The following ZCCHC7 variants were observed in gnomAD, a reference collection of about 807,000 sequenced individuals.
ZCCHC7 encodes the protein zinc finger CCHC domain-containing protein 7.
ZCCHC7 carries 35 observed loss-of-function variants against 52.0 expected under a neutral mutation model. The observed-to-expected ratio is 0.67, with a 90% confidence interval of 0.51 to 0.89. The LOEUF (loss-of-function observed/expected upper bound fraction) is 0.89, where lower values mean the gene tolerates loss of function less well. ZCCHC7 is among the 40% of genes least tolerant of loss of function. The pLI is 0.00. For synonymous variants in ZCCHC7, 217 were observed against 221.5 expected, an observed-to-expected ratio of 0.98 and a Z score of 0.18; for missense variants, 574 against 649.1, an observed-to-expected ratio of 0.88 and a Z score of 1.26.
intron 2 of ZCCHC7, among the ~76,000 whole-genome samples, chr9:37,223,462 T>C (rs1824930704): frequency 6.6e-6 from 1 of 151,964 alleles, no homozygotes; most frequent in Non-Finnish European, 1.5e-5. Flanking sequence ...GGTAAAGAAA[T>C]ATATGAAAGG....
At chr9:37,217,458 A>T (rs1215662650) in intron 2 of ZCCHC7, among the ~76,000 whole-genome samples, 1 of 152,182 alleles carries the variant, frequency 6.6e-6, no homozygotes, top group Non-Finnish European at 1.5e-5. Context: ...ACTGTTTAGC[A>T]TGATAATACA....
intron 2 of ZCCHC7, among the ~76,000 whole-genome samples, chr9:37,244,393 G>T (rs887420108): frequency 1.3e-5 from 2 of 151,424 alleles, no homozygotes; most frequent in African/African-American, 4.8e-5. Context: ...TAGGCAGAAT[G>T]GTTTTTAAAA....
At chr9:37,312,050 G>C (rs765724589) in intron 5 of ZCCHC7, among the ~76,000 whole-genome samples, 8 of 152,050 alleles carry the variant, frequency 5.3e-5, no homozygotes, top group Non-Finnish European at 7.4e-5. Flanking sequence ...TTTATTTTTA[G>C]TGTACTCCAA....
chr9:37,186,539 A>G (rs1171491421), intron 2 of ZCCHC7, among the ~76,000 whole-genome samples: 1 of 152,192 alleles, frequency 6.6e-6, no homozygotes, highest in East Asian at 1.9e-4. Context: ...ATGACATTAT[A>G]CTGTTTAATC....
At chr9:37,309,049 G>A (rs906480887) in intron 5 of ZCCHC7, among the ~76,000 whole-genome samples, 1 of 151,582 alleles carries the variant, frequency 6.6e-6, no homozygotes, top group South Asian at 2.1e-4. Flanking sequence ...ATAAAATAGG[G>A]TTGGGCTGTG....
chr9:37,195,574 T>C lies in ZCCHC7; in HGVS notation c.610+68632T>C, dbSNP rs1823250028. Among the ~76,000 whole-genome samples, 4 of 151,982 alleles carry C rather than the reference T, an allele frequency of 2.6e-5. No homozygotes were observed. In the South Asian group the frequency reaches 8.3e-4, roughly 32 times the overall value. On this transcript the variant is annotated intron_variant, in intron 2 of 8. Transcript: ENST00000336755. ...AAATGTGGCATGGAAAAGGAAACAA[T>C]TGCTTGTGAATCCTGGAGAATCTGG...
At chr9:37,302,336 A>T (rs1161497014) in intron 3 of ZCCHC7, 105 bp downstream of exon 3, 19 of 956,244 alleles carry the variant, frequency 2.0e-5, no homozygotes, top group Non-Finnish European at 3.0e-5. Context: ...CTTATAAGAA[A>T]ACATTTGATT....
chr9:37,290,581 G>A lies in ZCCHC7; in HGVS notation c.611-11607G>A, dbSNP rs142771967. On this transcript the variant is annotated intron_variant, in intron 2 of 8. Transcript: ENST00000336755. Reference sequence around the variant, plus strand: ...TGAGATGGGAGGATTGTTTGCACCCGGGAGGCGGATGGAGGTTGCAGTGAG... The same window carrying A: ...TGAGATGGGAGGATTGTTTGCACCCAGGAGGCGGATGGAGGTTGCAGTGAG... Among the ~76,000 whole-genome samples the A allele has an allele frequency of 3.5e-3, 531 of 152,208 alleles. 5 individuals carry two copies. The highest frequency in any genetic ancestry group is 0.012 in the African/African-American group (509 of 41,548).
At chr9:37,193,813 C>G (rs766859796) in intron 2 of ZCCHC7, among the ~76,000 whole-genome samples, 1 of 152,100 alleles carries the variant, frequency 6.6e-6, no homozygotes, top group African/African-American at 2.4e-5. Context: ...AAAATTTGTC[C>G]GCCTTCAGGA....
chr9:37,212,718 G>A (rs569536999), intron 2 of ZCCHC7, among the ~76,000 whole-genome samples: 59 of 152,276 alleles, frequency 3.9e-4, no homozygotes, highest in African/African-American at 1.4e-3. Flanking sequence ...TTAAGAAAAT[G>A]TTAATACTTT....
chr9:37,327,448 TA>T, intron 5 of ZCCHC7: 1 of 213,344 alleles, frequency 4.7e-6, no homozygotes, highest in Non-Finnish European at 9.2e-6. Context: ...AATGCTGTTT[TA>T]AAAGGTGTAC....
intron 2 of ZCCHC7, among the ~76,000 whole-genome samples, chr9:37,198,367 G>T (rs1276696297): frequency 1.3e-5 from 2 of 152,142 alleles, no homozygotes; most frequent in Non-Finnish European, 2.9e-5. Flanking sequence ...CAATAAAAAA[G>T]TTTTAATGGT....
intron 2 of ZCCHC7, among the ~76,000 whole-genome samples, chr9:37,155,157 G>A (rs1394642873): frequency 3.3e-5 from 5 of 152,040 alleles, no homozygotes; most frequent in East Asian, 3.9e-4. Context: ...TCAGGAGATC[G>A]AGACCATCCT....
chr9:37,311,325 G>A (rs991634685), intron 5 of ZCCHC7, among the ~76,000 whole-genome samples: 1 of 152,086 alleles, frequency 6.6e-6, no homozygotes, highest in Non-Finnish European at 1.5e-5. Context: ...TGTTATCCCA[G>A]TCCATGCTAA....
chr9:37,125,174 G>T (rs1489877645), intron 1 of ZCCHC7, among the ~76,000 whole-genome samples: 1 of 151,896 alleles, frequency 6.6e-6, no homozygotes, highest in East Asian at 1.9e-4. Context: ...TTTTGAGTTG[G>T]GTTCTTGCTT....
chr9:37,232,786 C>G (rs1825468258), intron 2 of ZCCHC7, among the ~76,000 whole-genome samples: 1 of 152,098 alleles, frequency 6.6e-6, no homozygotes, highest in African/African-American at 2.4e-5. Context: ...GGGCTCAGTC[C>G]CTTCAAATTG....
intron 2 of ZCCHC7, among the ~76,000 whole-genome samples, chr9:37,163,432 A>C (rs1821230551): frequency 1.3e-5 from 2 of 151,784 alleles, no homozygotes; most frequent in South Asian, 4.1e-4. Context: ...AGTTTTCTAA[A>C]GTGTTTTTAC....
chr9:37,206,992 G>A (rs1823952850), intron 2 of ZCCHC7, among the ~76,000 whole-genome samples: 1 of 151,990 alleles, frequency 6.6e-6, no homozygotes, highest in South Asian at 2.1e-4. Flanking sequence ...TGGTCATGGT[G>A]GTGTGCAACC....
intron 2 of ZCCHC7, among the ~76,000 whole-genome samples, chr9:37,233,938 A>C (rs879565898): frequency 7.2e-5 from 11 of 152,064 alleles, no homozygotes; most frequent in Non-Finnish European, 1.5e-4. Flanking sequence ...ACTGCAACTT[A>C]CACCTCATGG....
Sources: gnomAD v4.1 joint callset for allele counts (sites outside exome capture counted in the v4.1 genomes callset) on GRCh38, gnomAD v4.1.1 for gene constraint, MANE v1.5 for transcripts, NCBI Gene and HGNC (gene_info 2026-07-23, HGNC 2026-07-21) for gene names.